The following MED16 variants were observed in gnomAD, a reference collection of about 807,000 sequenced individuals.
MED16 encodes mediator of RNA polymerase II transcription subunit 16.
MED16 carries 81 observed loss-of-function variants against 84.4 expected under a neutral mutation model. The observed-to-expected ratio is 0.96, with a 90% CI of 0.80 to 1.15. MED16 has a LOEUF of 1.15. Among genes scored for constraint, MED16 ranks in the 50% most tolerant of loss-of-function variants. The pLI, the probability that MED16 is intolerant of heterozygous loss-of-function variation, is 0.00. For missense variants in MED16, 1,585 were observed against 1,245.9 expected (o/e 1.27, Z -4.10); for synonymous variants, 897 against 552.2 (o/e 1.62, Z -8.76).
chr19:883,177 G>A (rs906650197), intron 6 of MED16, among the ~76,000 whole-genome samples: 24 of 152,220 alleles, frequency 1.6e-4, no homozygotes, highest in African/African-American at 4.8e-4. Flanking sequence ...AAGCTAAGCT[G>A]CTAAGTGGGG....
intron 3 of MED16, 115 bp from the exon 4 acceptor site, chr19:889,922 G>T: frequency 7.8e-7 from 1 of 1,280,154 alleles, no homozygotes; most frequent in Non-Finnish European, 1.1e-6. Flanking sequence ...GGCCCAGGTA[G>T]GGCACAGCAG....
intron 7 of MED16, among the ~76,000 whole-genome samples, chr19:880,702 C>G (rs1199244914): frequency 2.0e-5 from 3 of 152,146 alleles, no homozygotes; most frequent in African/African-American, 7.2e-5. Flanking sequence ...GGCAGATTGC[C>G]TGAGCTCAGG....
At chr19:870,136 C>T (rs978735646) in intron 13 of MED16, among the ~76,000 whole-genome samples, 2 of 152,196 alleles carry the variant, frequency 1.3e-5, no homozygotes, top group African/African-American at 4.8e-5. Context: ...GGGCCCTGGG[C>T]CATATGCTAA....
intron 1 of MED16, 117 bp from the exon 2 acceptor site, chr19:891,266 A>G: frequency 9.7e-7 from 1 of 1,035,058 alleles, no homozygotes; most frequent in South Asian, 1.6e-5. Context: ...CAGCCGATGC[A>G]AAGGCCCGGA....
intron 13 of MED16, among the ~76,000 whole-genome samples, chr19:869,703 C>G (rs1452296989): frequency 6.6e-6 from 1 of 152,186 alleles, no homozygotes; most frequent in Admixed American, 6.5e-5. Flanking sequence ...GAGCCGGGGC[C>G]TTCCCCGGAG....
chr19:888,122 T>C (rs1192149618), intron 4 of MED16, among the ~76,000 whole-genome samples: 2 of 151,848 alleles, frequency 1.3e-5, no homozygotes, highest in Non-Finnish European at 2.9e-5. Context: ...TAGAATCGCT[T>C]GAGCCCGGGA....
At chr19:877,595 T>TGGCGAGGGGCTGGCGAGGG (rs1555716201) in intron 8 of MED16, among the ~76,000 whole-genome samples, 1 of 87,136 alleles carries the variant, frequency 1.1e-5, no homozygotes, top group Non-Finnish European at 2.7e-5. Flanking sequence ...GCGAGGGGCT[T>TGGCGAGGGGCTGGCGAGGG]GCACCTGTGG....
rs756668412 is a variant in MED16 at position 871,125 on chromosome 19, G to T, written c.2227C>A (p.Gln743Lys). ...TGCAGACGAAGGGGCTGCTTGGGCT[G>T]CAGGCGGCTAACCAGGCCGTCGCTG... The part of the protein sequence containing the change: ...PASDGLVSRL[Q>K]PKQPLRLQFG... The change falls in exon 13 of 16, where the codon CAG (glutamine) becomes AAG (lysine). Residue 743 changes from glutamine (Q) to lysine (K), a missense_variant. Transcript: ENST00000325464. The T allele has an allele frequency of 6.5e-7, 1 of 1,548,508 alleles. No individual in the cohort carries two copies. Among genetic ancestry groups the T allele is most frequent in the Non-Finnish European group, 8.7e-7 (1 of 1,145,806 alleles).
chr19:878,916 AGCCCCGGCCCCG>A (rs141014120), intron 8 of MED16, among the ~76,000 whole-genome samples: 7,842 of 78,290 alleles, frequency 0.1, 59 homozygotes, highest in East Asian at 0.23. Flanking sequence ...AATGTCCACC[AGCCCCGGCCCCG>A]GCCCCGGCCC....
Position 893,086 on chromosome 19 carries a change from C to G in MED16, c.-19G>C, listed in dbSNP as rs915645174. 2.0e-5 allele frequency: 3 copies of G among 152,368 alleles called. No individual in the cohort carries two copies. Among genetic ancestry groups the G allele is most frequent in the African/African-American group, 4.8e-5 (2 of 41,478 alleles). The allele number at this position is 152,368 out of a possible 1,614,324, so 9.4% of individuals were successfully genotyped here. On this transcript the variant is annotated splice_region_variant and 5_prime_UTR_variant, in exon 1 of 16. Coordinates refer to ENST00000325464, the MANE Select transcript of MED16 (RefSeq NM_005481.3). The stretch of plus-strand genomic sequence containing the variant: ...CGGGCCCCCGCAGCCCCGCACTCAC[C>G]TGGTCGGCCCGTGCGCCAAGCTCAG...
rs535810990 is a variant in MED16 at position 873,557 on chromosome 19, G to C, written c.1797C>G (p.Leu599=). The change falls in exon 11 of 16, where the codon CTC becomes CTG. Residue 599 remains leucine (L), a synonymous_variant. Coordinates refer to ENST00000325464, the MANE Select transcript of MED16 (RefSeq NM_005481.3). ...DVDIDKVMIN[L]KTEEFVLDMN... The stretch of plus-strand genomic sequence containing the variant: ...TGTCCAGCACAAATTCCTCCGTCTT[G>C]AGGTTGATCATGACCTTGTCAATGT... 44 of 1,612,436 alleles carry C rather than the reference G, an allele frequency of 2.7e-5. No homozygotes were observed. The South Asian group carries it at 3.1e-4, about 11-fold the overall frequency.
rs140979236 is a variant in MED16 at position 871,417 on chromosome 19, G to A, written c.2099-164C>T. 1.2e-3 allele frequency among the ~76,000 whole-genome samples: 184 copies of A among 151,996 alleles called. 1 individual carries two copies. Among genetic ancestry groups the A allele is most frequent in the Non-Finnish European group, 2.2e-3 (150 of 67,912 alleles). ...GGTTCTCTCACCAGGTCGGGGCCCCGGCTCTGCCTGCCTGGCTGGGTGACC... is the reference window on the plus strand; with the variant it reads ...GGTTCTCTCACCAGGTCGGGGCCCCAGCTCTGCCTGCCTGGCTGGGTGACC... On this transcript the variant is annotated intron_variant, in intron 12 of 15. Transcript: ENST00000325464.
rs2145202710 is a variant in MED16 at position 873,563 on chromosome 19, G to T, written c.1791C>A (p.Ile597=). The T allele has an allele frequency of 3.7e-6, 6 of 1,612,408 alleles. 1 individual carries two copies. In the East Asian group the frequency reaches 1.1e-4, roughly 30 times the overall value. Residue 597 remains isoleucine (I), a synonymous_variant, in exon 11 of 16, where the codon ATC becomes ATA. Coordinates refer to ENST00000325464, the MANE Select transcript of MED16 (RefSeq NM_005481.3). ...GCACAAATTCCTCCGTCTTGAGGTT[G>T]ATCATGACCTTGTCAATGTCTACAA... ...ITDVDIDKVM[I]NLKTEEFVLD...
At chr19:875,497 G>C in intron 9 of MED16, 43 bp from the exon 10 acceptor site, 2 of 1,505,658 alleles carry the variant, frequency 1.3e-6, no homozygotes, top group South Asian at 1.2e-5. Context: ...CCGGAGCAGA[G>C]GCGCCCGCCA....
intron 4 of MED16, 93 bp downstream of exon 4, chr19:889,545 G>T: frequency 1.4e-6 from 2 of 1,467,756 alleles, no homozygotes; most frequent in East Asian, 4.7e-5. Context: ...AAAAACCAGG[G>T]GATGCTGGTG....
Position 888,511 on chromosome 19 carries a change from G to A in MED16, c.447+1127C>T, listed in dbSNP as rs1439889179. Among the ~76,000 whole-genome samples the A allele has an allele frequency of 4.9e-5, 7 of 143,248 alleles. No individual in the cohort carries two copies. In the South Asian group the frequency reaches 9.1e-4, roughly 19 times the overall value. 94.0% of individuals were successfully genotyped at this position (143,248 alleles called of 152,430 possible). The stretch of plus-strand genomic sequence containing the variant: ...TGCACTCCAGCCTGGGGGATAGAGC[G>A]AGACTCTGTCTCCAAAAAAAAAAAA... On this transcript the variant is annotated intron_variant, in intron 4 of 15. Transcript: ENST00000325464.
intron 8 of MED16, among the ~76,000 whole-genome samples, chr19:877,485 C>T (rs184678056): frequency 3.4e-5 from 5 of 148,048 alleles, no homozygotes; most frequent in African/African-American, 1.3e-4. Context: ...CTCAACAGCT[C>T]CTAGTTACGA....
intron 10 of MED16, among the ~76,000 whole-genome samples, chr19:874,187 C>T (rs959724925): frequency 1.3e-5 from 2 of 152,130 alleles, no homozygotes; most frequent in African/African-American, 4.8e-5. Context: ...GATCTCAGCT[C>T]ACTGCAAGCT....
In MED16 at chr19:875,759, G is replaced by C. The variant is rs539365876; in HGVS notation, c.1561-305C>G. Among the ~76,000 whole-genome samples the C allele has an allele frequency of 2.6e-5, 4 of 152,254 alleles. No individual in the cohort carries two copies. The East Asian group carries it at 7.7e-4, about 29-fold the overall frequency. ...TGCCAAGTAACGGGTGGAGGCTGGGGAGGCTGCTCAACAGGACACCCCCAT... is the reference window on the plus strand; with the variant it reads ...TGCCAAGTAACGGGTGGAGGCTGGGCAGGCTGCTCAACAGGACACCCCCAT... On this transcript the variant is annotated intron_variant, in intron 9 of 15. Coordinates refer to ENST00000325464, the MANE Select transcript of MED16 (RefSeq NM_005481.3).
Sources: gnomAD v4.1 joint callset for allele counts (sites outside exome capture counted in the v4.1 genomes callset) on GRCh38, gnomAD v4.1.1 for gene constraint, MANE v1.5 for transcripts, NCBI Gene and HGNC (gene_info 2026-07-23, HGNC 2026-07-21) for gene names.